Variants in TBC1D19 observed in about 807,000 individuals in gnomAD.
TBC1D19 encodes the protein TBC1 domain family, member 19.
Under a neutral mutation model 89.0 loss-of-function variants are expected in TBC1D19, and 60 were observed. The ratio of observed to expected loss-of-function variants is 0.67; its 90% CI spans 0.55 to 0.84. The LOEUF (loss-of-function observed/expected upper bound fraction) is 0.84. TBC1D19 is among the 40% of genes least tolerant of loss of function. The pLI is 0.00. For synonymous variants in TBC1D19, 189 were observed against 199.7 expected, an observed-to-expected ratio of 0.95 and a Z score of 0.45; for missense variants, 500 against 610.8, an observed-to-expected ratio of 0.82 and a Z score of 1.91.
chr4:26,683,921 C>T (rs1389490342), intron 12 of TBC1D19, among the ~76,000 whole-genome samples, 172 bp downstream of exon 12: 4 of 152,110 alleles, frequency 2.6e-5, no homozygotes, highest in African/African-American at 9.7e-5. Context: ...TTGCAGTTTG[C>T]ATTCTCTGTT....
intron 7 of TBC1D19, among the ~76,000 whole-genome samples, chr4:26,647,563 A>G (rs1443767399): frequency 1.3e-5 from 2 of 152,184 alleles, no homozygotes; most frequent in East Asian, 1.9e-4. Context: ...AATGCAATTC[A>G]GAATAAGCCA....
intron 15 of TBC1D19, among the ~76,000 whole-genome samples, chr4:26,725,102 C>G (rs974247637): frequency 6.6e-6 from 1 of 152,104 alleles, no homozygotes; most frequent in African/African-American, 2.4e-5. Context: ...TACAAGATCC[C>G]CCTGGTACCA....
chr4:26,598,240 T>A (rs1740357600), intron 1 of TBC1D19, among the ~76,000 whole-genome samples: 1 of 152,228 alleles, frequency 6.6e-6, no homozygotes, highest in Non-Finnish European at 1.5e-5. Flanking sequence ...AAGGAATTCA[T>A]ATTATTTTTT....
chr4:26,783,721 GA>G, the TBC1D19 span, among the ~76,000 whole-genome samples: 1 of 152,198 alleles, frequency 6.6e-6, no homozygotes, highest in Non-Finnish European at 1.5e-5. Context: ...AGATGGGGGA[GA>G]TATAAGACAG....
intron 13 of TBC1D19, among the ~76,000 whole-genome samples, chr4:26,695,840 C>A (rs1048147924): frequency 2.0e-5 from 3 of 152,136 alleles, no homozygotes; most frequent in Non-Finnish European, 2.9e-5. Flanking sequence ...GCCTGCCCTA[C>A]AAGAGCTCCT....
chr4:26,710,199 A>G (rs1412287231), intron 13 of TBC1D19, among the ~76,000 whole-genome samples: 1 of 151,778 alleles, frequency 6.6e-6, no homozygotes. Flanking sequence ...ACCCCACAAC[A>G]GTCCCCAGTG....
the TBC1D19 span, among the ~76,000 whole-genome samples, chr4:26,783,813 A>C: frequency 0.13 from 19,574 of 152,070 alleles, 2,211 homozygotes; most frequent in African/African-American, 0.3. Context: ...GCTGCTCATA[A>C]TTCCCCTACA....
At chr4:26,678,592 C>T (rs1335000566) in intron 11 of TBC1D19, among the ~76,000 whole-genome samples, 2 of 150,932 alleles carry the variant, frequency 1.3e-5, no homozygotes, top group Admixed American at 6.6e-5. Flanking sequence ...GGAGAATCTG[C>T]ATTTTTATAT....
intron 18 of TBC1D19, 152 bp from the exon 19 acceptor site, chr4:26,748,259 C>T (rs952881343): frequency 5.0e-6 from 3 of 601,782 alleles, no homozygotes; most frequent in Non-Finnish European, 8.8e-6. Flanking sequence ...CTCACCACTG[C>T]ACTCTTGCAG....
At chr4:26,661,851 G>A (rs762527174) in intron 8 of TBC1D19, among the ~76,000 whole-genome samples, 8 of 152,142 alleles carry the variant, frequency 5.3e-5, no homozygotes, top group Non-Finnish European at 1.0e-4. Context: ...AGGAAGGTAT[G>A]CAACTGAAAA....
At chr4:26,737,143 G>A (rs1459593647) in intron 16 of TBC1D19, among the ~76,000 whole-genome samples, 4 of 152,104 alleles carry the variant, frequency 2.6e-5, no homozygotes, top group South Asian at 2.1e-4. Context: ...TAAAACTATC[G>A]TTCAATGAAA....
chr4:26,775,144 A>G, the TBC1D19 span, among the ~76,000 whole-genome samples: 2 of 152,164 alleles, frequency 1.3e-5, no homozygotes, highest in Non-Finnish European at 2.9e-5. Context: ...GTACCCTCCA[A>G]AACTCATGTT....
chr4:26,700,432 C>A (rs1409452400), intron 13 of TBC1D19, among the ~76,000 whole-genome samples: 1 of 151,938 alleles, frequency 6.6e-6, no homozygotes, highest in Non-Finnish European at 1.5e-5. Context: ...GTTCTGTCTT[C>A]AAATATCTTT....
the TBC1D19 span, among the ~76,000 whole-genome samples, chr4:26,827,195 A>G: frequency 5.3e-5 from 8 of 152,372 alleles, no homozygotes; most frequent in African/African-American, 1.7e-4. Flanking sequence ...GCAAATGCTT[A>G]TAAAGATGGA....
In TBC1D19 at chr4:26,684,686, G is replaced by C. The variant is rs549151651; in HGVS notation, c.891+937G>C. 7.9e-5 allele frequency among the ~76,000 whole-genome samples: 12 copies of C among 152,218 alleles called. No homozygotes were observed. In the South Asian group the frequency reaches 2.5e-3, roughly 32 times the overall value. On this transcript the variant is annotated intron_variant, in intron 12 of 20. Coordinates refer to ENST00000264866, the MANE Select transcript of TBC1D19 (RefSeq NM_018317.4). ...TTAAAAGTCTTAGATTTAAAATTTA[G>C]ATTTGAAATATAAGAGAGAAAGGCA...
intron 4 of TBC1D19, among the ~76,000 whole-genome samples, chr4:26,636,016 T>A (rs1743097661): frequency 6.6e-6 from 1 of 152,144 alleles, no homozygotes; most frequent in African/African-American, 2.4e-5. Flanking sequence ...ATTATCATAT[T>A]ATGCCACTGT....
At chr4:26,604,723 A>T (rs929437255) in intron 1 of TBC1D19, among the ~76,000 whole-genome samples, 7 of 150,340 alleles carry the variant, frequency 4.7e-5, no homozygotes, top group African/African-American at 1.5e-4. Context: ...AAAATACATT[A>T]AAAAAAAATT....
intron 4 of TBC1D19, among the ~76,000 whole-genome samples, chr4:26,634,526 T>C (rs1743005817): frequency 6.6e-6 from 1 of 152,128 alleles, no homozygotes; most frequent in Non-Finnish European, 1.5e-5. Flanking sequence ...GGCTACAAAA[T>C]TGTTACAGTA....
the TBC1D19 span, among the ~76,000 whole-genome samples, chr4:26,837,717 G>C: frequency 6.6e-6 from 1 of 152,108 alleles, no homozygotes; most frequent in South Asian, 2.1e-4. Flanking sequence ...ACAGGACACC[G>C]GATGAGATCA....
Sources: allele counts gnomAD v4.1 joint callset (sites outside exome capture counted in the v4.1 genomes callset), GRCh38; gene constraint gnomAD v4.1.1; transcripts MANE v1.5; gene names NCBI Gene and HGNC (gene_info 2026-07-23, HGNC 2026-07-21).